Variants in CDH13 observed in about 807,000 individuals in gnomAD.
CDH13 encodes cadherin 13, also known as cadherin-13.
Under a neutral mutation model 63.8 loss-of-function variants are expected in CDH13, and 24 were observed. That is an observed-to-expected ratio of 0.38 (90% confidence interval 0.27 to 0.53). The LOEUF is 0.53. Among genes scored for constraint, CDH13 ranks in the 20% least tolerant of loss-of-function variants. The probability of loss-of-function intolerance (pLI) is 0.85; values close to 1 mark genes in which losing one functional copy is unlikely to be tolerated. For missense variants in CDH13, 1,049 were observed against 903.1 expected (o/e 1.16, Z -2.07); for synonymous variants, 503 against 355.3 (o/e 1.42, Z -4.67).
intron 5 of CDH13, among the ~76,000 whole-genome samples, chr16:83,325,548 G>T (rs112694974): frequency 1.8e-4 from 27 of 152,174 alleles, no homozygotes; most frequent in African/African-American, 6.0e-4. Flanking sequence ...GAGAGAAGCC[G>T]TAGACAGTAG....
At chr16:82,826,880 C>T (rs747374752) in intron 1 of CDH13, among the ~76,000 whole-genome samples, 23 of 152,162 alleles carry the variant, frequency 1.5e-4, no homozygotes, top group Non-Finnish European at 2.9e-4. Flanking sequence ...TTTCAAGTTA[C>T]AGCAGCTAGA....
intron 3 of CDH13, among the ~76,000 whole-genome samples, chr16:83,056,657 A>T (rs768049907): frequency 6.6e-6 from 1 of 152,130 alleles, no homozygotes; most frequent in Admixed American, 6.5e-5. Context: ...GATGGTGGTG[A>T]TATGGTTTGG....
intron 11 of CDH13, among the ~76,000 whole-genome samples, chr16:83,771,875 A>C (rs188079159): frequency 5.1e-4 from 78 of 152,362 alleles, no homozygotes; most frequent in Non-Finnish European, 1.0e-3. Context: ...GTAAAATTAA[A>C]AATATCTCCT....
At chr16:83,427,057 G>A (rs571535798) in intron 6 of CDH13, among the ~76,000 whole-genome samples, 1 of 151,544 alleles carries the variant, frequency 6.6e-6, no homozygotes, top group African/African-American at 2.4e-5. Context: ...CTCCCAGGTA[G>A]CTGGTACTAC....
At chr16:83,662,596 TGAAG>T (rs1913539298) in intron 8 of CDH13, among the ~76,000 whole-genome samples, 1 of 152,216 alleles carries the variant, frequency 6.6e-6, no homozygotes, top group Non-Finnish European at 1.5e-5. Flanking sequence ...CTCTAAAGCC[TGAAG>T]ACAGGCATGT....
chr16:83,019,778 G>A (rs531480911), intron 2 of CDH13, among the ~76,000 whole-genome samples: 13 of 147,606 alleles, frequency 8.8e-5, no homozygotes, highest in South Asian at 2.2e-4. Flanking sequence ...TTACAAGCGT[G>A]AGCCACCATG....
intron 1 of CDH13, among the ~76,000 whole-genome samples, chr16:82,654,250 G>C (rs1911051969): frequency 6.6e-6 from 1 of 152,188 alleles, no homozygotes; most frequent in African/African-American, 2.4e-5. Flanking sequence ...CCTCTGGACA[G>C]TGTCTTTGGC....
intron 2 of CDH13, among the ~76,000 whole-genome samples, chr16:82,881,250 A>G (rs923875497): frequency 6.6e-6 from 1 of 152,138 alleles, no homozygotes; most frequent in Non-Finnish European, 1.5e-5. Context: ...TCAAGCTCCC[A>G]TTTGGATGCC....
intron 11 of CDH13, among the ~76,000 whole-genome samples, chr16:83,748,786 G>A (rs1462582620): frequency 3.3e-5 from 5 of 152,230 alleles, no homozygotes; most frequent in African/African-American, 1.2e-4. Context: ...CTGATTAGAT[G>A]CTGGGGGCGC....
At chr16:82,979,936 A>G (rs1202243547) in intron 2 of CDH13, among the ~76,000 whole-genome samples, 1 of 152,228 alleles carries the variant, frequency 6.6e-6, no homozygotes. Flanking sequence ...TCCTTGGGTC[A>G]TGTTTAAGTA....
chr16:83,044,667 C>T (rs745818960), intron 3 of CDH13, among the ~76,000 whole-genome samples: 2 of 152,190 alleles, frequency 1.3e-5, no homozygotes, highest in Non-Finnish European at 2.9e-5. Flanking sequence ...GATTTAAGCT[C>T]ACAACAATGC....
intron 3 of CDH13, among the ~76,000 whole-genome samples, chr16:83,050,329 C>G (rs374143389): frequency 2.0e-5 from 3 of 152,242 alleles, no homozygotes; most frequent in South Asian, 2.1e-4. Context: ...ATTGCTGGCT[C>G]ATATGATAAT....
chr16:83,722,674 T>A (rs1284778440), intron 10 of CDH13, among the ~76,000 whole-genome samples: 1 of 152,188 alleles, frequency 6.6e-6, no homozygotes, highest in Non-Finnish European at 1.5e-5. Context: ...TGTATCCTGT[T>A]GTCTGTCCCA....
At chr16:83,192,858 C>T (rs529322762) in intron 4 of CDH13, among the ~76,000 whole-genome samples, 2 of 152,226 alleles carry the variant, frequency 1.3e-5, no homozygotes, top group South Asian at 4.2e-4. Flanking sequence ...GCGAACAGTG[C>T]ATCTAAAAGA....
At chr16:82,671,700 G>A (rs1913262809) in intron 1 of CDH13, among the ~76,000 whole-genome samples, 1 of 152,086 alleles carries the variant, frequency 6.6e-6, no homozygotes, top group Admixed American at 6.5e-5. Context: ...TTTTAACTTC[G>A]TGCCCAAGCT....
intron 1 of CDH13, among the ~76,000 whole-genome samples, chr16:82,795,653 G>C (rs62036788): frequency 6.6e-6 from 1 of 152,092 alleles, no homozygotes; most frequent in Non-Finnish European, 1.5e-5. Flanking sequence ...TAAGTAGGGG[G>C]ACAGAGACCT....
chr16:82,896,463 T>C (rs1270500435), intron 2 of CDH13, among the ~76,000 whole-genome samples: 1 of 151,604 alleles, frequency 6.6e-6, no homozygotes, highest in East Asian at 2.0e-4. Context: ...CTGGGTAATT[T>C]TTGTATTTTT....
intron 1 of CDH13, among the ~76,000 whole-genome samples, chr16:82,646,828 G>A (rs909997314): frequency 6.6e-5 from 10 of 152,120 alleles, no homozygotes; most frequent in Non-Finnish European, 1.5e-5. Flanking sequence ...GAAGGATGAT[G>A]TTATAAGCTC....
chr16:82,916,209 G>T (rs541916441), intron 2 of CDH13, among the ~76,000 whole-genome samples: 1 of 152,270 alleles, frequency 6.6e-6, no homozygotes, highest in East Asian at 1.9e-4. Context: ...ATGGGCTGCG[G>T]AAATAGGTTA....
Sources: allele counts gnomAD v4.1 joint callset (sites outside exome capture counted in the v4.1 genomes callset), GRCh38; gene constraint gnomAD v4.1.1; transcripts MANE v1.5; gene names NCBI Gene and HGNC (gene_info 2026-07-23, HGNC 2026-07-21).